Variants in BSN observed in about 807,000 individuals in gnomAD.
The protein encoded by BSN is bassoon presynaptic cytomatrix protein.
BSN carries 57 observed loss-of-function variants against 264.8 expected under a neutral mutation model. That is an observed-to-expected ratio of 0.22 (90% confidence interval 0.17 to 0.27). The LOEUF (loss-of-function observed/expected upper bound fraction) is 0.27. BSN is among the 10% of genes least tolerant of loss of function. The pLI is 1.00. For missense variants in BSN, 4,615 were observed against 5,232.5 expected, an observed-to-expected ratio of 0.88 and a Z score of 3.64; for synonymous variants, 2,059 against 2,137.3, an observed-to-expected ratio of 0.96 and a Z score of 1.01.
chr3:49,594,175 A>T (rs758412632), intron 1 of BSN, among the ~76,000 whole-genome samples: 1 of 152,136 alleles, frequency 6.6e-6, no homozygotes, highest in African/African-American at 2.4e-5. Context: ...TTCTTTTCAC[A>T]TGGGCTTTAA....
chr3:49,654,457 C>T lies in BSN; in HGVS notation c.4901C>T (p.Ala1634Val). ...DGPLALYGWG[A>V]LPAENISLCR... ...CCCCTGGCACTATATGGCTGGGGTGCCCTCCCTGCTGAGAACATCTCCCTG... is the reference window on the plus strand; with the variant it reads ...CCCCTGGCACTATATGGCTGGGGTGTCCTCCCTGCTGAGAACATCTCCCTG... The change falls in exon 5 of 12, where the codon GCC becomes GTC. Residue 1634 changes from alanine to valine, a missense_variant. Coordinates refer to ENST00000296452, the MANE Select transcript of BSN (RefSeq NM_003458.4). The surrounding 1 kb of genome is among the most constrained non-coding windows in gnomAD (Gnocchi z 4.1). 6.2e-7 allele frequency: 1 copy of T among 1,604,952 alleles called. No individual in the cohort carries two copies. Among genetic ancestry groups the T allele is most frequent in the Non-Finnish European group, 8.5e-7 (1 of 1,176,080 alleles).
chr3:49,623,896 G>A (rs1465272776), intron 1 of BSN, among the ~76,000 whole-genome samples: 1 of 152,202 alleles, frequency 6.6e-6, no homozygotes, highest in Non-Finnish European at 1.5e-5. Context: ...ATCACCTAGG[G>A]AGGAAAAAAT....
intron 1 of BSN, among the ~76,000 whole-genome samples, chr3:49,582,489 T>G (rs2108016780): frequency 6.6e-6 from 1 of 152,342 alleles, no homozygotes; most frequent in South Asian, 2.1e-4. Context: ...TGTGTTGATT[T>G]TATATCCTTC....
chr3:49,646,832 A>C (rs1231735444), intron 3 of BSN, among the ~76,000 whole-genome samples: 3 of 152,196 alleles, frequency 2.0e-5, no homozygotes, highest in Admixed American at 1.3e-4. Flanking sequence ...AAGGATACAC[A>C]CTGGGGACAC....
In BSN at chr3:49,661,501, A is replaced by G. The variant is rs1296869293; in HGVS notation, c.9656A>G (p.His3219Arg). The change falls in exon 6 of 12, where the codon CAC becomes CGC. Residue 3219 changes from histidine (H) to arginine (R), a missense_variant. Physicochemically the swap from His to Arg is conservative, Grantham distance 29. Around this residue, in one of 3 missense-constraint regions of BSN, gnomAD observed 3,415 missense variants for 3,866.4 expected, o/e 0.88. Coordinates refer to ENST00000296452, the MANE Select transcript of BSN (RefSeq NM_003458.4). ...SPAPTYPSDSHYTSLEQNVPR... is the reference protein window; with the variant it reads ...SPAPTYPSDSRYTSLEQNVPR... Reference sequence around the variant, plus strand: ...GCCCCCACCTACCCCTCTGACTCACACTATACCAGTCTGGAGCAGAACGTT... The same window carrying G: ...GCCCCCACCTACCCCTCTGACTCACGCTATACCAGTCTGGAGCAGAACGTT... The G allele has an allele frequency of 1.2e-6, 2 of 1,614,088 alleles. No individual in the cohort carries two copies. The highest frequency in any genetic ancestry group is 1.7e-6 in the Non-Finnish European group (2 of 1,180,038).
chr3:49,628,677 G>T (rs1187623737), intron 2 of BSN, among the ~76,000 whole-genome samples: 1 of 152,202 alleles, frequency 6.6e-6, no homozygotes, highest in African/African-American at 2.4e-5. Context: ...ATGGAAATTG[G>T]GGAAGGAGCT....
intron 5 of BSN, 37 bp downstream of exon 5, chr3:49,658,233 G>C (rs2108091160): frequency 6.7e-7 from 1 of 1,499,920 alleles, no homozygotes; most frequent in African/African-American, 1.4e-5. Flanking sequence ...TGGGACAGGG[G>C]TCTCTGCCTA....
chr3:49,627,640 T>C (rs1173969284), intron 2 of BSN, among the ~76,000 whole-genome samples: 1 of 152,134 alleles, frequency 6.6e-6, no homozygotes, highest in Non-Finnish European at 1.5e-5. Flanking sequence ...GTTATGTCAG[T>C]CAAGAAGGCT....
intron 1 of BSN, among the ~76,000 whole-genome samples, chr3:49,586,153 G>A (rs1027473996): frequency 8.6e-5 from 13 of 152,022 alleles, no homozygotes. Flanking sequence ...TGCTTGTTGG[G>A]TATTGGTCAA....
chr3:49,573,355 A>T (rs1240407966), intron 1 of BSN, among the ~76,000 whole-genome samples: 1 of 152,226 alleles, frequency 6.6e-6, no homozygotes, highest in African/African-American at 2.4e-5. Context: ...ATGCCTTTTC[A>T]GTGGAAGATG....
intron 1 of BSN, among the ~76,000 whole-genome samples, chr3:49,590,211 T>G (rs540354077): frequency 6.6e-6 from 1 of 152,302 alleles, no homozygotes; most frequent in Non-Finnish European, 1.5e-5. Flanking sequence ...CCATTACAGC[T>G]GTCTGTGGTT....
chr3:49,567,911 G>A (rs1002893561), intron 1 of BSN, among the ~76,000 whole-genome samples: 3 of 152,188 alleles, frequency 2.0e-5, no homozygotes, highest in African/African-American at 7.2e-5. Context: ...GTCGATGCTG[G>A]CTGTTAGCTG....
intron 3 of BSN, among the ~76,000 whole-genome samples, chr3:49,643,461 GAAAGACACC>G (rs2052482796): frequency 6.6e-6 from 1 of 152,208 alleles, no homozygotes; most frequent in Non-Finnish European, 1.5e-5. Context: ...TGGCCCTGAT[GAAAGACACC>G]AACCTCCCCT....
In BSN at chr3:49,651,006, G is replaced by C; in HGVS notation, c.1913G>C (p.Gly638Ala). The change falls in exon 4 of 12, where the codon GGG becomes GCG. Residue 638 changes from glycine (G) to alanine (A), a missense_variant. Gly to Ala is a moderately conservative substitution (Grantham distance 60). This residue lies in a region of BSN where 1,197 missense variants were observed against 1,348.0 expected (regional missense o/e 0.89). Coordinates refer to ENST00000296452, the MANE Select transcript of BSN (RefSeq NM_003458.4). This position sits in a 1 kb window ranked among gnomAD's most constrained non-coding sequence, Gnocchi z 5.4. ...PTPATPKVKS[G>A]VRRAEPATPV... The stretch of plus-strand genomic sequence containing the variant: ...CCTGCGACTCCTAAAGTAAAGAGTG[G>C]GGTGAGGAGGGCTGAACCTGCCACC... 1.2e-6 allele frequency: 2 copies of C among 1,613,990 alleles called. No homozygotes were observed. Among genetic ancestry groups the C allele is most frequent in the Non-Finnish European group, 1.7e-6 (2 of 1,179,994 alleles).
chr3:49,660,319 G>T lies in BSN; in HGVS notation c.8641-167G>T, dbSNP rs2052642960. 6.6e-6 allele frequency among the ~76,000 whole-genome samples: 1 copy of T among 151,942 alleles called. No individual in the cohort carries two copies. On this transcript the variant is annotated intron_variant, in intron 5 of 11. Transcript: ENST00000296452. This position sits in a 1 kb window ranked among gnomAD's most constrained non-coding sequence, Gnocchi z 7.1. The stretch of plus-strand genomic sequence containing the variant: ...CTTCCCTCTATGGCAAAGAAACCAA[G>T]GCCTATGGGTGGGCAGGGTAGGCCT...
intron 1 of BSN, among the ~76,000 whole-genome samples, chr3:49,576,400 T>G (rs1039091825): frequency 2.0e-5 from 3 of 151,954 alleles, no homozygotes; most frequent in African/African-American, 7.3e-5. Flanking sequence ...TGAATTCACT[T>G]TTCTTTTTTT....
intron 2 of BSN, among the ~76,000 whole-genome samples, chr3:49,637,867 G>A (rs2052430535): frequency 6.6e-6 from 1 of 152,236 alleles, no homozygotes; most frequent in Non-Finnish European, 1.5e-5. Flanking sequence ...CACTGGGTCG[G>A]GGTGCACGGG....
chr3:49,666,643 G>A lies in BSN; in HGVS notation c.*105-947G>A, dbSNP rs527341734. On this transcript the variant is annotated intron_variant, in intron 11 of 11. Coordinates refer to ENST00000296452, the MANE Select transcript of BSN (RefSeq NM_003458.4). ...TGAGGGAAGCTTGAGGGAGGAGGAC[G>A]ACTGCGGTGGGATGAAAAAAGGGGA... 2.0e-3 allele frequency among the ~76,000 whole-genome samples: 297 copies of A among 152,298 alleles called. 3 individuals carry two copies. The highest frequency in any genetic ancestry group is 6.5e-3 in the African/African-American group (269 of 41,548).
At chr3:49,580,473 C>T (rs757280332) in intron 1 of BSN, among the ~76,000 whole-genome samples, 6 of 151,780 alleles carry the variant, frequency 4.0e-5, no homozygotes, top group East Asian at 1.9e-4. Flanking sequence ...GCTCTGTCAC[C>T]GAGGCTGGAG....
Sources: gnomAD v4.1 joint callset for allele counts (sites outside exome capture counted in the v4.1 genomes callset) on GRCh38, gnomAD v4.1.1 for gene constraint, gnomAD v4.1.1 regional missense constraint, Gnocchi (gnomAD v3.1) non-coding constraint, MANE v1.5 for transcripts, NCBI Gene and HGNC (gene_info 2026-07-23, HGNC 2026-07-21) for gene names.